The following TRHDE variants were observed in gnomAD, a reference collection of about 807,000 sequenced individuals.
The protein encoded by TRHDE is thyrotropin releasing hormone degrading enzyme.
TRHDE carries 72 observed loss-of-function variants against 125.7 expected under a neutral mutation model. The ratio of observed to expected loss-of-function variants is 0.57; its 90% confidence interval spans 0.47 to 0.70. The LOEUF is 0.70. Ranked by LOEUF, TRHDE falls within the 30% of genes least tolerant of loss-of-function variation. The pLI is 0.00. For synonymous variants in TRHDE, 509 were observed against 509.1 expected, an observed-to-expected ratio of 1.00 and a Z score of 0.00; for missense variants, 1,110 against 1,327.1, an observed-to-expected ratio of 0.84 and a Z score of 2.54.
At chr12:72,214,215 G>A (rs185882728) in intron 2 of TRHDE, among the ~76,000 whole-genome samples, 3 of 152,200 alleles carry the variant, frequency 2.0e-5, no homozygotes, top group Admixed American at 1.3e-4. Flanking sequence ...TCTTTCCAGA[G>A]CACTGCATTC....
intron 6 of TRHDE, among the ~76,000 whole-genome samples, chr12:72,541,712 T>G (rs1173987194): frequency 4.0e-5 from 6 of 151,452 alleles, no homozygotes; most frequent in East Asian, 1.9e-4. Flanking sequence ...TTAACTACAC[T>G]TTACAAGGAG....
chr12:72,159,484 A>G (rs190312880), intron 2 of TRHDE, among the ~76,000 whole-genome samples: 1 of 152,356 alleles, frequency 6.6e-6, no homozygotes, highest in East Asian at 1.9e-4. Flanking sequence ...TGTAGATGAC[A>G]TGATTCTTCT....
intron 12 of TRHDE, among the ~76,000 whole-genome samples, chr12:72,597,200 A>G (rs1367583240): frequency 6.6e-6 from 1 of 152,218 alleles, no homozygotes; most frequent in African/African-American, 2.4e-5. Flanking sequence ...GCCGGAACTC[A>G]CTGATGTGAA....
intron 15 of TRHDE, among the ~76,000 whole-genome samples, chr12:72,642,655 C>T (rs1874113345): frequency 6.6e-6 from 1 of 152,062 alleles, no homozygotes; most frequent in South Asian, 2.1e-4. Flanking sequence ...TTTTCCTTCC[C>T]AGATAATAAA....
upstream of TRHDE, chr12:72,271,738 C>G: frequency 5.4e-6 from 2 of 371,622 alleles, no homozygotes; most frequent in South Asian, 4.0e-5. Context: ...CACGCACACA[C>G]GCGCACACAC....
At chr12:72,101,573 T>C (rs1166817417) in intron 1 of TRHDE, among the ~76,000 whole-genome samples, 1 of 152,218 alleles carries the variant, frequency 6.6e-6, no homozygotes, top group Non-Finnish European at 1.5e-5. Flanking sequence ...CTATGAATGC[T>C]GTATCTTTCC....
At chr12:72,414,437 TAAAG>T (rs1873644429) in intron 3 of TRHDE, among the ~76,000 whole-genome samples, 1 of 151,918 alleles carries the variant, frequency 6.6e-6, no homozygotes, top group African/African-American at 2.4e-5. Flanking sequence ...AGAAGAAAAA[TAAAG>T]AAAGAAGGAT....
intron 3 of TRHDE, among the ~76,000 whole-genome samples, chr12:72,398,490 A>G (rs185391659): frequency 1.3e-5 from 2 of 152,314 alleles, no homozygotes; most frequent in Admixed American, 1.3e-4. Flanking sequence ...TATTTATTCA[A>G]TTGAAAGTTT....
intron 6 of TRHDE, among the ~76,000 whole-genome samples, chr12:72,535,504 G>A (rs1868809866): frequency 6.6e-6 from 1 of 151,950 alleles, no homozygotes; most frequent in Non-Finnish European, 1.5e-5. Flanking sequence ...AAGCAATGGG[G>A]CATTAATTCT....
chr12:72,172,409 T>C (rs1461643635), intron 2 of TRHDE, among the ~76,000 whole-genome samples: 1 of 152,176 alleles, frequency 6.6e-6, no homozygotes, highest in East Asian at 1.9e-4. Flanking sequence ...AATTTTCTCA[T>C]CTTAAATATG....
chr12:72,608,937 T>A (rs1187647395), intron 12 of TRHDE, among the ~76,000 whole-genome samples: 2 of 152,138 alleles, frequency 1.3e-5, no homozygotes, highest in Non-Finnish European at 2.9e-5. Context: ...TAGAAAACTT[T>A]TTTGAGCCTC....
chr12:72,127,914 T>TG (rs1444882688), intron 2 of TRHDE, among the ~76,000 whole-genome samples: 1 of 152,164 alleles, frequency 6.6e-6, no homozygotes, highest in East Asian at 1.9e-4. Flanking sequence ...CATTGTATAG[T>TG]GGGTCCTGGA....
At chr12:72,210,805 G>T (rs1459145526) in intron 2 of TRHDE, among the ~76,000 whole-genome samples, 1 of 152,138 alleles carries the variant, frequency 6.6e-6, no homozygotes, top group Admixed American at 6.5e-5. Context: ...AATCTTAATG[G>T]TTGAGAGTTG....
chr12:72,474,989 A>G (rs912921918), intron 5 of TRHDE, among the ~76,000 whole-genome samples: 2 of 152,172 alleles, frequency 1.3e-5, no homozygotes, highest in Non-Finnish European at 2.9e-5. Flanking sequence ...ACAAATCTAC[A>G]AGATAAGTTT....
At chr12:72,496,750 T>A (rs936294639) in intron 5 of TRHDE, among the ~76,000 whole-genome samples, 14 of 152,194 alleles carry the variant, frequency 9.2e-5, no homozygotes, top group African/African-American at 3.4e-4. Flanking sequence ...GATTTCTTTA[T>A]TTTTAAACTT....
chr12:72,486,193 A>T (rs1473913614), intron 5 of TRHDE, among the ~76,000 whole-genome samples: 1 of 152,150 alleles, frequency 6.6e-6, no homozygotes, highest in African/African-American at 2.4e-5. Flanking sequence ...GGTTGCTGGG[A>T]TGTACCTCAG....
chr12:72,095,876 A>G (rs1170058430), intron 1 of TRHDE, among the ~76,000 whole-genome samples: 1 of 152,216 alleles, frequency 6.6e-6, no homozygotes, highest in Non-Finnish European at 1.5e-5. Context: ...CATTTAAATC[A>G]GTGGAATTTG....
At chr12:72,579,260 T>C (rs1871137184) in intron 12 of TRHDE, among the ~76,000 whole-genome samples, 1 of 152,090 alleles carries the variant, frequency 6.6e-6, no homozygotes, top group African/African-American at 2.4e-5. Flanking sequence ...CCCAATTTCC[T>C]CAAATCCTGC....
chr12:72,593,867 A>G (rs188838146), intron 12 of TRHDE, among the ~76,000 whole-genome samples: 6 of 152,294 alleles, frequency 3.9e-5, no homozygotes, highest in Admixed American at 3.9e-4. Flanking sequence ...ATGGCTGCAT[A>G]GTATTCCATG....
Sources: allele counts gnomAD v4.1 joint callset (sites outside exome capture counted in the v4.1 genomes callset), GRCh38; gene constraint gnomAD v4.1.1; transcripts MANE v1.5; gene names NCBI Gene and HGNC (gene_info 2026-07-23, HGNC 2026-07-21).